Variants in ACTR2 observed in about 807,000 individuals in gnomAD.
The protein encoded by ACTR2 is actin-related protein 2.
Under a neutral mutation model 50.2 loss-of-function variants are expected in ACTR2, and 5 were observed. The ratio of observed to expected loss-of-function variants is 0.10; its 90% CI spans 0.05 to 0.21. The LOEUF (loss-of-function observed/expected upper bound fraction) is 0.21, where lower values mean the gene tolerates loss of function less well. Among genes scored for constraint, ACTR2 ranks in the 10% least tolerant of loss-of-function variants. The pLI is 1.00. For synonymous variants in ACTR2, 140 were observed against 162.9 expected, an observed-to-expected ratio of 0.86 and a Z score of 1.07; for missense variants, 180 against 480.6, an observed-to-expected ratio of 0.37 and a Z score of 5.85.
chr2:65,228,468 G>A (rs1671574912), intron 1 of ACTR2: 1 of 151,696 alleles, frequency 6.6e-6, no homozygotes, highest in African/African-American at 2.4e-5. Context: ...CATGGAGTGT[G>A]GACCTCAGCC....
intron 4 of ACTR2, among the ~76,000 whole-genome samples, chr2:65,251,660 A>G (rs1219007761): frequency 1.3e-5 from 2 of 152,098 alleles, no homozygotes; most frequent in Admixed American, 1.3e-4. Context: ...CGTGCCTGGC[A>G]TAGCTATTTT....
intron 1 of ACTR2, among the ~76,000 whole-genome samples, chr2:65,230,503 C>T (rs1051429113): frequency 6.7e-6 from 1 of 148,688 alleles, no homozygotes; most frequent in Non-Finnish European, 1.5e-5. Flanking sequence ...CCTCTGCCTC[C>T]TGGGCTCAAG....
chr2:65,230,775 T>C (rs1671621147), intron 1 of ACTR2, among the ~76,000 whole-genome samples: 1 of 152,002 alleles, frequency 6.6e-6, no homozygotes, highest in African/African-American at 2.4e-5. Flanking sequence ...GATTTTAGGC[T>C]GGGCGTTGTG....
chr2:65,230,125 T>C (rs1671607468), intron 1 of ACTR2, among the ~76,000 whole-genome samples: 1 of 152,216 alleles, frequency 6.6e-6, no homozygotes, highest in Non-Finnish European at 1.5e-5. Context: ...CATAAACGCA[T>C]GTTACATGTG....
chr2:65,263,768 G>A (rs535195678), intron 7 of ACTR2, among the ~76,000 whole-genome samples: 1 of 152,254 alleles, frequency 6.6e-6, no homozygotes, highest in Admixed American at 6.5e-5. Flanking sequence ...AGCTGGGCGC[G>A]GTGGCTCACG....
At chr2:65,247,726 G>C (rs1671965756) in intron 3 of ACTR2, among the ~76,000 whole-genome samples, 1 of 152,232 alleles carries the variant, frequency 6.6e-6, no homozygotes, top group East Asian at 1.9e-4. Context: ...TCGGGTGGCA[G>C]AGACAGAAGA....
At chr2:65,266,256 G>A (rs1672370842) in intron 8 of ACTR2, among the ~76,000 whole-genome samples, 1 of 151,020 alleles carries the variant, frequency 6.6e-6, no homozygotes, top group South Asian at 2.1e-4. Flanking sequence ...GGTTGGGGAG[G>A]TAGTGTGCTC....
chr2:65,246,749 T>G lies in ACTR2; in HGVS notation c.375+10T>G. On this transcript the variant is annotated intron_variant, in intron 3 of 8. Coordinates refer to ENST00000260641, the MANE Select transcript of ACTR2 (RefSeq NM_005722.4). ...AGAGAAGATTGTAGAGGTGAGTTTT[T>G]ATGCAGGATATGCATATGTGTATTT... is the stretch of plus-strand genomic sequence containing the variant. 6.5e-7 allele frequency: 1 copy of G among 1,534,638 alleles called. No individual in the cohort carries two copies. The highest frequency in any genetic ancestry group is 1.4e-5 in the African/African-American group (1 of 72,302).
chr2:65,237,520 G>C (rs996593552), intron 1 of ACTR2, among the ~76,000 whole-genome samples: 8 of 152,056 alleles, frequency 5.3e-5, no homozygotes, highest in Non-Finnish European at 8.8e-5. Flanking sequence ...GGAATTACAG[G>C]TGTGAGCCAC....
intron 3 of ACTR2, among the ~76,000 whole-genome samples, chr2:65,249,705 A>T (rs1468265893): frequency 6.6e-6 from 1 of 152,192 alleles, no homozygotes; most frequent in East Asian, 1.9e-4. Flanking sequence ...TCACCAAAAA[A>T]AAAATCATGC....
chr2:65,253,871 G>A lies in ACTR2; in HGVS notation c.585+7G>A. 6.2e-7 allele frequency: 1 copy of A among 1,605,712 alleles called. No homozygotes were observed. The highest frequency in any genetic ancestry group is 1.7e-5 in the Admixed American group (1 of 59,366). On this transcript the variant is annotated splice_region_variant and intron_variant, in intron 5 of 8. Coordinates refer to ENST00000260641, the MANE Select transcript of ACTR2 (RefSeq NM_005722.4). Reference sequence around the variant, plus strand: ...AACTAGATATCTTATCAAGGTAAGTGAAAGGAAAATATCATGGAAATTAAA... The same window carrying A: ...AACTAGATATCTTATCAAGGTAAGTAAAAGGAAAATATCATGGAAATTAAA...
At chr2:65,238,491 C>G (rs542587029) in intron 1 of ACTR2, among the ~76,000 whole-genome samples, 1 of 150,942 alleles carries the variant, frequency 6.6e-6, no homozygotes, top group African/African-American at 2.4e-5. Context: ...AACCCCGTCT[C>G]TACTAAAAAT....
chr2:65,261,189 G>A, intron 6 of ACTR2, 58 bp from the exon 7 acceptor site: 1 of 1,586,504 alleles, frequency 6.3e-7, no homozygotes, highest in Non-Finnish European at 8.6e-7. Flanking sequence ...GTGTTCCGGA[G>A]AACACTGGGA....
At chr2:65,231,732 G>A (rs1352882865) in intron 1 of ACTR2, among the ~76,000 whole-genome samples, 1 of 152,026 alleles carries the variant, frequency 6.6e-6, no homozygotes, top group Non-Finnish European at 1.5e-5. Flanking sequence ...AACCTCTCTG[G>A]CAGACCCAAA....
Position 65,239,854 on chromosome 2 carries a change from T to G in ACTR2, c.51T>G (p.Phe17Leu). Residue 17 changes from phenylalanine (F) to leucine (L), a missense_variant and splice_region_variant, in exon 2 of 9, where the codon TTT becomes TTG. Transcript: ENST00000260641. ...TTTATTTTACTGTTTCATTCCAGTT[T>G]GTGAAGTGTGGATATGCAGGCTCTA... ...KVVVCDNGTG[F>L]VKCGYAGSNF... 2 of 1,596,850 alleles carry G rather than the reference T, an allele frequency of 1.3e-6. No individual in the cohort carries two copies. Among genetic ancestry groups the G allele is most frequent in the Non-Finnish European group, 8.6e-7 (1 of 1,165,272 alleles).
chr2:65,253,409 C>T (rs1428419393), intron 4 of ACTR2, among the ~76,000 whole-genome samples: 1 of 151,716 alleles, frequency 6.6e-6, no homozygotes, highest in East Asian at 1.9e-4. Context: ...AGCCACTGTA[C>T]TCCTCCAGCC....
At chr2:65,247,757 A>T (rs757253999) in intron 3 of ACTR2, among the ~76,000 whole-genome samples, 2 of 152,184 alleles carry the variant, frequency 1.3e-5, no homozygotes, top group Non-Finnish European at 2.9e-5. Flanking sequence ...GAGGCAGGAA[A>T]GATTTATTGA....
At chr2:65,230,522 C>T (rs1006720571) in intron 1 of ACTR2, among the ~76,000 whole-genome samples, 14 of 150,202 alleles carry the variant, frequency 9.3e-5, no homozygotes, top group African/African-American at 3.2e-4. Context: ...AGCGGTTCTC[C>T]TGCTTCAGCC....
In ACTR2 at chr2:65,268,614, C is replaced by T. The variant is rs765606484; in HGVS notation, c.1065C>T (p.Phe355=). The part of the protein sequence containing the change: ...EDPPRRKHMV[F]LGGAVLADIM... ...CACCCCGCAGAAAGCACATGGTATTCCTGGGTGGTGCAGTTCTAGCGGATA... is the reference window on the plus strand; with the variant it reads ...CACCCCGCAGAAAGCACATGGTATTTCTGGGTGGTGCAGTTCTAGCGGATA... Residue 355 remains phenylalanine (F), a synonymous_variant, in exon 9 of 9, where the codon TTC becomes TTT. Transcript: ENST00000260641. 1.1e-5 allele frequency: 17 copies of T among 1,614,088 alleles called. No homozygotes were observed. Among genetic ancestry groups the T allele is most frequent in the Non-Finnish European group, 1.4e-5 (16 of 1,179,996 alleles).
Sources: allele counts gnomAD v4.1 joint callset (sites outside exome capture counted in the v4.1 genomes callset), GRCh38; gene constraint gnomAD v4.1.1; transcripts MANE v1.5; gene names NCBI Gene and HGNC (gene_info 2026-07-23, HGNC 2026-07-21).